The following CADPS2 variants were observed in gnomAD, a reference collection of about 807,000 sequenced individuals.
The protein encoded by CADPS2 is calcium dependent secretion activator 2.
A neutral mutation model predicts 172.5 loss-of-function variants in CADPS2; 93 were observed. The ratio of observed to expected loss-of-function variants is 0.54; its 90% confidence interval spans 0.46 to 0.64. The LOEUF is 0.64. CADPS2 is among the 30% of genes least tolerant of loss of function. CADPS2 has a pLI of 0.00. For synonymous variants in CADPS2, 546 were observed against 555.2 expected (o/e 0.98, Z 0.23); for missense variants, 1,420 against 1,565.9 (o/e 0.91, Z 1.57).
intron 2 of CADPS2, among the ~76,000 whole-genome samples, chr7:122,714,310 C>T (rs1331544603): frequency 6.6e-6 from 1 of 152,036 alleles, no homozygotes. Context: ...TCTATACCTA[C>T]AAGAATACAA....
intron 1 of CADPS2, among the ~76,000 whole-genome samples, chr7:122,828,067 C>G (rs1354396232): frequency 6.6e-6 from 1 of 152,078 alleles, no homozygotes; most frequent in Non-Finnish European, 1.5e-5. Flanking sequence ...TATTAATGTT[C>G]ACTTCATTTT....
chr7:122,645,442 T>TAC (rs1251398211), intron 3 of CADPS2, among the ~76,000 whole-genome samples: 2 of 98,768 alleles, frequency 2.0e-5, no homozygotes, highest in South Asian at 2.8e-4. Flanking sequence ...TATGTATATA[T>TAC]ACACACACAT....
intron 28 of CADPS2, among the ~76,000 whole-genome samples, chr7:122,325,833 C>A (rs181960494): frequency 6.6e-6 from 1 of 151,970 alleles, no homozygotes; most frequent in South Asian, 2.1e-4. Context: ...AACATATTCA[C>A]GGAAACAGTG....
intron 1 of CADPS2, among the ~76,000 whole-genome samples, chr7:122,838,011 A>G (rs1025605970): frequency 6.6e-6 from 1 of 152,256 alleles, no homozygotes; most frequent in African/African-American, 2.4e-5. Context: ...CCTGATGAAT[A>G]TTGATGCAAA....
chr7:122,832,621 T>C (rs1345246927), intron 1 of CADPS2, among the ~76,000 whole-genome samples: 15 of 152,188 alleles, frequency 9.9e-5, no homozygotes, highest in Non-Finnish European at 2.1e-4. Flanking sequence ...ATGGCAGTAA[T>C]GTTGTCTGGC....
intron 20 of CADPS2, among the ~76,000 whole-genome samples, chr7:122,407,254 T>TG (rs2046762832): frequency 6.6e-6 from 1 of 152,178 alleles, no homozygotes; most frequent in Non-Finnish European, 1.5e-5. Flanking sequence ...GATTTTCAGA[T>TG]TCATAAGGTA....
intron 1 of CADPS2, among the ~76,000 whole-genome samples, chr7:122,841,533 C>G (rs192426740): frequency 1.8e-4 from 27 of 152,136 alleles, no homozygotes; most frequent in African/African-American, 6.0e-4. Flanking sequence ...ATTTTAAAAC[C>G]AACTTATCAA....
At chr7:122,796,877 C>T (rs1176660523) in intron 1 of CADPS2, among the ~76,000 whole-genome samples, 1 of 151,902 alleles carries the variant, frequency 6.6e-6, no homozygotes, top group Non-Finnish European at 1.5e-5. Flanking sequence ...TGGGATCTAA[C>T]TCAACTAAAC....
At chr7:122,801,977 T>C (rs1009737604) in intron 1 of CADPS2, among the ~76,000 whole-genome samples, 5 of 152,076 alleles carry the variant, frequency 3.3e-5, no homozygotes, top group African/African-American at 9.7e-5. Context: ...TTAAAAAGTA[T>C]TACTTAAAAA....
At chr7:122,883,534 T>C (rs1050982432) in intron 1 of CADPS2, among the ~76,000 whole-genome samples, 4 of 152,220 alleles carry the variant, frequency 2.6e-5, no homozygotes, top group Admixed American at 2.0e-4. Context: ...TTAGATAATC[T>C]AACTGTATAA....
In CADPS2 at chr7:122,822,481, A is replaced by G. The variant is rs943626720; in HGVS notation, c.339+63518T>C. On this transcript the variant is annotated intron_variant, in intron 1 of 29. Transcript: ENST00000449022. ...ATTCTCTCTCCATACCACCCCCCAA[A>G]AATTTTCGCCACCCCAACACTTCAA... Among the ~76,000 whole-genome samples the G allele has an allele frequency of 7.9e-4, 119 of 151,244 alleles. 1 individual carries two copies. The highest frequency in any genetic ancestry group is 1.2e-4 in the Non-Finnish European group (8 of 67,878).
chr7:122,851,740 A>C (rs1004592622), intron 1 of CADPS2, among the ~76,000 whole-genome samples: 2 of 151,996 alleles, frequency 1.3e-5, no homozygotes, highest in Admixed American at 6.5e-5. Context: ...AAACCATCAG[A>C]TCTCATGAGA....
chr7:122,421,225 C>T (rs556033329), intron 17 of CADPS2: 27 of 152,254 alleles, frequency 1.8e-4, no homozygotes, highest in Non-Finnish European at 3.5e-4. Flanking sequence ...TTGCTAATAA[C>T]CCTACATGAT....
chr7:122,657,376 T>C (rs528845503), intron 3 of CADPS2, among the ~76,000 whole-genome samples: 6 of 152,328 alleles, frequency 3.9e-5, no homozygotes, highest in South Asian at 4.1e-4. Context: ...GGGGATGGCA[T>C]TGAATCTATA....
intron 2 of CADPS2, chr7:122,698,598 C>T: frequency 1.9e-6 from 3 of 1,613,976 alleles, no homozygotes; most frequent in Non-Finnish European, 2.5e-6. Context: ...TACAACCTCC[C>T]CGTTCAATAA....
At chr7:122,338,003 G>C (rs1454559172) in intron 28 of CADPS2, among the ~76,000 whole-genome samples, 1 of 152,140 alleles carries the variant, frequency 6.6e-6, no homozygotes, top group Non-Finnish European at 1.5e-5. Context: ...AGATGAATAA[G>C]ACACTGCTGC....
intron 6 of CADPS2, chr7:122,585,897 CAT>C (rs1185579666): frequency 6.6e-6 from 1 of 151,900 alleles, no homozygotes; most frequent in Non-Finnish European, 1.5e-5. Context: ...AATACATGTT[CAT>C]ATCTTTTAAC....
intron 8 of CADPS2, among the ~76,000 whole-genome samples, chr7:122,519,559 C>A (rs1269882023): frequency 6.6e-6 from 1 of 151,154 alleles, no homozygotes; most frequent in African/African-American, 2.5e-5. Context: ...AGTATTAATC[C>A]CTCTCTTGGG....
chr7:122,846,698 G>C (rs149556680), intron 1 of CADPS2, among the ~76,000 whole-genome samples: 2,578 of 152,282 alleles, frequency 0.017, 77 homozygotes, highest in African/African-American at 0.058. Flanking sequence ...TGAATAGGCT[G>C]AGCACACAAA....
Sources: allele counts gnomAD v4.1 joint callset (sites outside exome capture counted in the v4.1 genomes callset), GRCh38; gene constraint gnomAD v4.1.1; transcripts MANE v1.5; gene names NCBI Gene and HGNC (gene_info 2026-07-23, HGNC 2026-07-21).